Variants in CNOT6 observed in about 807,000 individuals in gnomAD.
CNOT6 encodes CCR4-NOT transcription complex subunit 6.
A neutral mutation model predicts 61.2 loss-of-function variants in CNOT6; 12 were observed. The ratio of observed to expected loss-of-function variants is 0.20; its 90% confidence interval spans 0.13 to 0.32. The LOEUF (loss-of-function observed/expected upper bound fraction) is 0.32, where lower values mean the gene tolerates loss of function less well. CNOT6 is among the 10% of genes least tolerant of loss of function. The probability of loss-of-function intolerance (pLI) is 1.00; values close to 1 mark genes in which losing one functional copy is unlikely to be tolerated. For synonymous variants in CNOT6, 225 were observed against 240.6 expected, an observed-to-expected ratio of 0.94 and a Z score of 0.60; for missense variants, 405 against 663.9, an observed-to-expected ratio of 0.61 and a Z score of 4.28.
intron 10 of CNOT6, among the ~76,000 whole-genome samples, chr5:180,570,482 C>T (rs1760692940): frequency 6.6e-6 from 1 of 152,024 alleles, no homozygotes; most frequent in African/African-American, 2.4e-5. Context: ...GATTACTGCC[C>T]CTGAAGCAGT....
chr5:180,565,707 A>G (rs891368836), intron 6 of CNOT6, 113 bp from the exon 7 acceptor site: 1 of 990,862 alleles, frequency 1.0e-6, no homozygotes, highest in Non-Finnish European at 1.5e-6. Flanking sequence ...TTCAGTGACT[A>G]TAGATTGAAT....
At chr5:180,495,121 C>T (rs1364791598) in intron 1 of CNOT6, among the ~76,000 whole-genome samples, 1 of 152,190 alleles carries the variant, frequency 6.6e-6, no homozygotes, top group African/African-American at 2.4e-5. Context: ...TGGGTGGCAA[C>T]TTTTGAGAAG....
At chr5:180,537,803 TC>T (rs376542323) in intron 2 of CNOT6, among the ~76,000 whole-genome samples, 3 of 61,150 alleles carry the variant, frequency 4.9e-5, no homozygotes, top group South Asian at 1.1e-3. Flanking sequence ...TCTTTCTCTC[TC>T]TTTTTTTTTT....
intron 2 of CNOT6, 35 bp downstream of exon 2, chr5:180,529,423 A>G (rs904885039): frequency 7.0e-6 from 9 of 1,289,416 alleles, no homozygotes; most frequent in Non-Finnish European, 1.0e-5. Flanking sequence ...TGGTATGGAA[A>G]TTAAGATATG....
chr5:180,573,888 G>T (rs1470108637), intron 11 of CNOT6, 100 bp from the exon 12 acceptor site: 2 of 807,874 alleles, frequency 2.5e-6, no homozygotes, highest in East Asian at 5.1e-5. Flanking sequence ...CACTTGTTCT[G>T]TTCTGTTCAC....
chr5:180,538,694 A>ATGTATG (rs1243878403), intron 2 of CNOT6, among the ~76,000 whole-genome samples: 24 of 37,844 alleles, frequency 6.3e-4, no homozygotes, highest in Admixed American at 5.5e-3. Flanking sequence ...AGGTATATAT[A>ATGTATG]TATATATATA....
intron 4 of CNOT6, among the ~76,000 whole-genome samples, chr5:180,562,469 G>A (rs142148053): frequency 0.019 from 2,883 of 152,198 alleles, 38 homozygotes; most frequent in Non-Finnish European, 0.027. Context: ...GGCCGGGCGC[G>A]GTGGCTCACA....
At chr5:180,543,398 T>C (rs1287174348) in intron 2 of CNOT6, among the ~76,000 whole-genome samples, 1 of 152,258 alleles carries the variant, frequency 6.6e-6, no homozygotes, top group African/African-American at 2.4e-5. Context: ...GTACCATGTT[T>C]TGAAGTTTGC....
At chr5:180,501,198 A>G (rs1332407440) in intron 1 of CNOT6, among the ~76,000 whole-genome samples, 2 of 152,132 alleles carry the variant, frequency 1.3e-5, no homozygotes, top group African/African-American at 4.8e-5. Context: ...TAGAAGCTGG[A>G]TTAAAGGAGT....
At chr5:180,572,629 A>G (rs1581578223) in intron 11 of CNOT6, among the ~76,000 whole-genome samples, 2 of 152,310 alleles carry the variant, frequency 1.3e-5, no homozygotes, top group Admixed American at 6.5e-5. Context: ...AACACACTGC[A>G]GCCTCAAACT....
intron 4 of CNOT6, among the ~76,000 whole-genome samples, chr5:180,559,136 A>G (rs1434499856): frequency 6.6e-6 from 1 of 152,188 alleles, no homozygotes; most frequent in Non-Finnish European, 1.5e-5. Flanking sequence ...TAGCTCCTGT[A>G]TATTAACTTA....
chr5:180,496,202 C>T (rs1299259661), intron 1 of CNOT6, among the ~76,000 whole-genome samples: 1 of 152,158 alleles, frequency 6.6e-6, no homozygotes, highest in African/African-American at 2.4e-5. Flanking sequence ...CATGCCTGGC[C>T]ATCACAGTGT....
intron 1 of CNOT6, among the ~76,000 whole-genome samples, chr5:180,517,668 T>C (rs1757702451): frequency 6.6e-6 from 1 of 152,088 alleles, no homozygotes; most frequent in Non-Finnish European, 1.5e-5. Flanking sequence ...CTCAGCCTCC[T>C]GAGTAGCTGG....
rs1426258680 is a variant in CNOT6, at chr5:180,578,177, TAAC to T, written c.*3979_*3981del. Reference sequence around the variant, plus strand: ...TTTCTTTATTGGCTGTTATTCTGTATAACACTCATATCTTTGCCAAAGTTCAAT... The same window carrying T: ...TTTCTTTATTGGCTGTTATTCTGTATACTCATATCTTTGCCAAAGTTCAAT... On this transcript the variant is annotated 3_prime_UTR_variant, in exon 12 of 12. Coordinates refer to ENST00000261951, the MANE Select transcript of CNOT6 (RefSeq NM_001370472.1). 1 of 152,668 alleles carries T rather than the reference TAAC, an allele frequency of 6.6e-6. No individual in the cohort carries two copies. The highest frequency in any genetic ancestry group is 1.5e-5 in the Non-Finnish European group (1 of 68,046). The allele number at this position is 152,668 out of a possible 1,614,324, so 9.5% of individuals were successfully genotyped here.
In CNOT6 at chr5:180,576,910, T is replaced by C. The variant is rs982495233; in HGVS notation, c.*2710T>C. 1.3e-5 allele frequency: 2 copies of C among 152,220 alleles called. No homozygotes were observed. The highest frequency in any genetic ancestry group is 2.9e-5 in the Non-Finnish European group (2 of 68,028). The allele number at this position is 152,220 out of a possible 1,614,324, so 9.4% of individuals were successfully genotyped here. On this transcript the variant is annotated 3_prime_UTR_variant, in exon 12 of 12. Coordinates refer to ENST00000261951, the MANE Select transcript of CNOT6 (RefSeq NM_001370472.1). ...TCAGTATTTTTGCTGGATAAATCCATTTTAGAAATGTCTTACAAAAAGTTT... is the reference window on the plus strand; with the variant it reads ...TCAGTATTTTTGCTGGATAAATCCACTTTAGAAATGTCTTACAAAAAGTTT...
At chr5:180,509,114 C>T (rs1757266855) in intron 1 of CNOT6, among the ~76,000 whole-genome samples, 1 of 152,024 alleles carries the variant, frequency 6.6e-6, no homozygotes, top group Non-Finnish European at 1.5e-5. Context: ...GCCACAGCGC[C>T]CGGCCTATTT....
Position 180,570,250 on chromosome 5 carries a change from C to T in CNOT6, c.1258+910C>T, listed in dbSNP as rs542581833. 1.4e-4 allele frequency among the ~76,000 whole-genome samples: 21 copies of T among 152,198 alleles called. 1 individual carries two copies. Among genetic ancestry groups the T allele is most frequent in the Middle Eastern group, 3.4e-3 (1 of 294 alleles). On this transcript the variant is annotated intron_variant, in intron 10 of 11. Transcript: ENST00000261951. ...GTGCACGCCTGTAATCCCAGCTACT[C>T]GGGAGGCTGAGGCACAAGAATGACT...
chr5:180,564,395 T>A, intron 4 of CNOT6, 94 bp from the exon 5 acceptor site: 1 of 809,192 alleles, frequency 1.2e-6, no homozygotes, highest in Non-Finnish European at 2.1e-6. Flanking sequence ...AACTATAACA[T>A]AGTTATGGAT....
intron 4 of CNOT6, among the ~76,000 whole-genome samples, chr5:180,555,754 A>G (rs1345615417): frequency 6.6e-6 from 1 of 152,188 alleles, no homozygotes; most frequent in African/African-American, 2.4e-5. Context: ...GGAAGAGAGA[A>G]AATAATATCA....
Sources: allele counts gnomAD v4.1 joint callset (sites outside exome capture counted in the v4.1 genomes callset), GRCh38; gene constraint gnomAD v4.1.1; transcripts MANE v1.5; gene names NCBI Gene and HGNC (gene_info 2026-07-23, HGNC 2026-07-21).